The following PDE1A variants were observed in gnomAD, a reference collection of about 807,000 sequenced individuals.
The protein encoded by PDE1A is dual specificity calcium/calmodulin-dependent 3',5'-cyclic nucleotide phosphodiesterase 1A.
In PDE1A, 35 loss-of-function variants were observed where a neutral mutation model predicts 61.7. The observed-to-expected ratio is 0.57, with a 90% CI of 0.43 to 0.75. PDE1A has a LOEUF of 0.75. PDE1A is among the 30% of genes least tolerant of loss of function. PDE1A has a pLI of 0.00. For missense variants in PDE1A, 597 were observed against 630.6 expected, an observed-to-expected ratio of 0.95 and a Z score of 0.57; for synonymous variants, 232 against 213.2, an observed-to-expected ratio of 1.09 and a Z score of -0.77.
the PDE1A span, among the ~76,000 whole-genome samples, chr2:182,571,144 C>A: frequency 6.6e-6 from 1 of 152,058 alleles, no homozygotes. Context: ...AACAATTTAT[C>A]CTTGAATGCT....
intron 1 of PDE1A, among the ~76,000 whole-genome samples, chr2:182,342,579 A>G (rs1352832358): frequency 6.6e-6 from 1 of 152,224 alleles, no homozygotes; most frequent in African/African-American, 2.4e-5. Flanking sequence ...GCTACTCAGG[A>G]GGCTGAGGCA....
rs558558665 is a variant in PDE1A at position 182,502,841 on chromosome 2, T to C, written c.101+19435A>G. On this transcript the variant is annotated intron_variant, in intron 2 of 14. Transcript: ENST00000410103. ...AATACTTATATGTTTTGTTGCAGAT[T>C]TGTGCCTATGGAGCTACCCCAAACC... 5.9e-5 allele frequency among the ~76,000 whole-genome samples: 9 copies of C among 152,316 alleles called. No homozygotes were observed. The South Asian group carries it at 1.7e-3, about 28-fold the overall frequency.
At chr2:182,551,029 A>G in the PDE1A span, among the ~76,000 whole-genome samples, 1 of 149,304 alleles carries the variant, frequency 6.7e-6, no homozygotes, top group Admixed American at 6.9e-5. Flanking sequence ...TAACTGGCCA[A>G]TGTTTCCTAC....
intron 1 of PDE1A, among the ~76,000 whole-genome samples, chr2:182,319,407 T>C (rs11686989): frequency 1.3e-5 from 2 of 152,066 alleles, no homozygotes; most frequent in Non-Finnish European, 2.9e-5. Flanking sequence ...TTAAGTTAAC[T>C]GAAAACTAAA....
the PDE1A span, among the ~76,000 whole-genome samples, chr2:182,546,669 C>T: frequency 6.6e-6 from 1 of 152,206 alleles, no homozygotes; most frequent in African/African-American, 2.4e-5. Flanking sequence ...TGTGTTGTTG[C>T]CCTGTTGTTG....
At chr2:182,141,561 A>G (rs1574480738) in exon 15 of PDE1A, 1 of 152,230 alleles carries the variant, frequency 6.6e-6, no homozygotes, top group Non-Finnish European at 1.5e-5. Context: ...GCATTTATAC[A>G]GCCTACATCC....
At chr2:182,165,769 G>T (rs1026920163), downstream of PDE1A, among the ~76,000 whole-genome samples, 9 of 152,132 alleles carry the variant, frequency 5.9e-5, no homozygotes, top group Admixed American at 5.2e-4. Flanking sequence ...AATGAGGATT[G>T]TAATTTTTAT....
At chr2:182,540,721 G>A in the PDE1A span, among the ~76,000 whole-genome samples, 2 of 152,000 alleles carry the variant, frequency 1.3e-5, no homozygotes, top group Non-Finnish European at 2.9e-5. Flanking sequence ...TACACAGTTT[G>A]TCGAAAACTG....
intron 1 of PDE1A, among the ~76,000 whole-genome samples, chr2:182,309,104 GA>G (rs1198293406): frequency 3.3e-5 from 5 of 151,674 alleles, no homozygotes; most frequent in African/African-American, 1.2e-4. Flanking sequence ...AGAGCTTCAT[GA>G]AATTCAGGTT....
chr2:182,451,585 A>G (rs945761747), intron 2 of PDE1A, among the ~76,000 whole-genome samples: 1 of 152,098 alleles, frequency 6.6e-6, no homozygotes, highest in African/African-American at 2.4e-5. Context: ...TATAAAAATT[A>G]ATCTGAAATT....
the PDE1A span, among the ~76,000 whole-genome samples, chr2:182,696,473 G>C: frequency 2.6e-5 from 4 of 152,218 alleles, no homozygotes; most frequent in Admixed American, 2.6e-4. Flanking sequence ...GGAGAGATTA[G>C]TAGGGAGGAA....
the PDE1A span, among the ~76,000 whole-genome samples, chr2:182,588,232 A>G: frequency 1.3e-5 from 2 of 152,208 alleles, no homozygotes; most frequent in African/African-American, 4.8e-5. Context: ...GCTGGGTAAA[A>G]TAAAACCAGA....
At chr2:182,156,762 G>T (rs374278516) in intron 13 of PDE1A, among the ~76,000 whole-genome samples, 1 of 152,010 alleles carries the variant, frequency 6.6e-6, no homozygotes, top group East Asian at 1.9e-4. Flanking sequence ...CAGCAGCAAG[G>T]CCTGCACAAG....
the PDE1A span, among the ~76,000 whole-genome samples, chr2:182,681,888 C>T: frequency 5.1e-4 from 78 of 152,194 alleles, no homozygotes; most frequent in African/African-American, 1.5e-3. Flanking sequence ...CCTCGTGATC[C>T]GCTCACCTCG....
At chr2:182,419,906 T>C (rs1703166009) in intron 1 of PDE1A, among the ~76,000 whole-genome samples, 1 of 152,078 alleles carries the variant, frequency 6.6e-6, no homozygotes, top group South Asian at 2.1e-4. Flanking sequence ...CTACTAAAAG[T>C]TATGAGAAAT....
At chr2:182,167,057 G>A (rs1691688157), downstream of PDE1A, among the ~76,000 whole-genome samples, 1 of 152,114 alleles carries the variant, frequency 6.6e-6, no homozygotes, top group African/African-American at 2.4e-5. Flanking sequence ...TTCATGTTCT[G>A]AGAGACCAAA....
chr2:182,197,221 T>G (rs1686205910), intron 10 of PDE1A, among the ~76,000 whole-genome samples: 1 of 151,906 alleles, frequency 6.6e-6, no homozygotes, highest in Non-Finnish European at 1.5e-5. Flanking sequence ...CTTGTACATT[T>G]CCTTTTATAA....
At chr2:182,509,880 T>C (rs1260842346) in intron 2 of PDE1A, among the ~76,000 whole-genome samples, 1 of 152,192 alleles carries the variant, frequency 6.6e-6, no homozygotes, top group Admixed American at 6.5e-5. Flanking sequence ...CATTATTGTT[T>C]TTCTAATAAG....
At chr2:182,365,908 A>G (rs1268444660) in intron 1 of PDE1A, among the ~76,000 whole-genome samples, 1 of 152,066 alleles carries the variant, frequency 6.6e-6, no homozygotes, top group Non-Finnish European at 1.5e-5. Flanking sequence ...CAATAAATCA[A>G]TGGTTCTCAC....
Sources: gnomAD v4.1 joint callset for allele counts (sites outside exome capture counted in the v4.1 genomes callset) on GRCh38, gnomAD v4.1.1 for gene constraint, MANE v1.5 for transcripts, NCBI Gene and HGNC (gene_info 2026-07-23, HGNC 2026-07-21) for gene names.